Variants in PTPRN2 observed in about 807,000 individuals in gnomAD.
The protein encoded by PTPRN2 is receptor-type tyrosine-protein phosphatase N2.
In PTPRN2, 74 loss-of-function variants were observed where a neutral mutation model predicts 118.8. The observed-to-expected ratio is 0.62, with a 90% CI of 0.52 to 0.76. The LOEUF is 0.76. Among genes scored for constraint, PTPRN2 ranks in the 30% least tolerant of loss-of-function variants. PTPRN2 has a pLI of 0.00. For synonymous variants in PTPRN2, 641 were observed against 608.0 expected (o/e 1.05, Z -0.80); for missense variants, 1,481 against 1,394.4 (o/e 1.06, Z -0.99).
chr7:158,500,758 C>G (rs1366622706), intron 1 of PTPRN2, among the ~76,000 whole-genome samples: 1 of 152,266 alleles, frequency 6.6e-6, no homozygotes, highest in Non-Finnish European at 1.5e-5. Context: ...CTGTTAAACG[C>G]CATCCAGCCC....
intron 17 of PTPRN2, among the ~76,000 whole-genome samples, chr7:157,586,810 C>T (rs1800701871): frequency 6.6e-6 from 1 of 152,230 alleles, no homozygotes; most frequent in Admixed American, 6.5e-5. Flanking sequence ...CTCCCACATG[C>T]CGAGGGAACA....
At chr7:157,769,700 C>A (rs1008338314) in intron 12 of PTPRN2, among the ~76,000 whole-genome samples, 1 of 152,166 alleles carries the variant, frequency 6.6e-6, no homozygotes, top group Admixed American at 6.5e-5. Flanking sequence ...ATGTCACCAG[C>A]CCCTCCACAC....
At chr7:158,106,355 CTT>C (rs1815681783) in intron 10 of PTPRN2, among the ~76,000 whole-genome samples, 1 of 152,034 alleles carries the variant, frequency 6.6e-6, no homozygotes, top group Admixed American at 6.6e-5. Flanking sequence ...CTCCCTCTCT[CTT>C]GAGTTCCATC....
At chr7:157,952,592 G>C in intron 11 of PTPRN2, among the ~76,000 whole-genome samples, 1 of 152,046 alleles carries the variant, frequency 6.6e-6, no homozygotes, top group East Asian at 1.9e-4. Flanking sequence ...GGGTCTAGGG[G>C]TGAGGGAGCC....
chr7:157,828,545 C>T (rs113008148), intron 12 of PTPRN2, among the ~76,000 whole-genome samples: 3 of 149,436 alleles, frequency 2.0e-5, no homozygotes, highest in Non-Finnish European at 4.4e-5. Flanking sequence ...CCCTGAGAGA[C>T]GTCCTGGTTA....
chr7:157,753,202 G>A (rs971093409), intron 12 of PTPRN2, among the ~76,000 whole-genome samples: 2 of 152,192 alleles, frequency 1.3e-5, no homozygotes, highest in Admixed American at 1.3e-4. Flanking sequence ...CCCGCGCAGT[G>A]GGCTTCTGTC....
intron 1 of PTPRN2, among the ~76,000 whole-genome samples, chr7:158,535,316 C>A (rs943728876): frequency 2.0e-5 from 3 of 152,196 alleles, no homozygotes; most frequent in Admixed American, 1.3e-4. Context: ...CTCACTCCCT[C>A]CCCATTCAGC....
chr7:158,406,159 G>A (rs569007728), intron 2 of PTPRN2, among the ~76,000 whole-genome samples: 6 of 116,808 alleles, frequency 5.1e-5, no homozygotes, highest in East Asian at 2.3e-4. Flanking sequence ...CTGAGATCCC[G>A]CAGTGGCTCA....
intron 3 of PTPRN2, among the ~76,000 whole-genome samples, chr7:158,275,695 T>C (rs556975716): frequency 6.6e-6 from 1 of 152,342 alleles, no homozygotes; most frequent in East Asian, 1.9e-4. Context: ...TACTACGTTA[T>C]GTGGGGTGGG....
At chr7:157,662,731 G>A (rs1209836983) in intron 13 of PTPRN2, among the ~76,000 whole-genome samples, 1 of 152,220 alleles carries the variant, frequency 6.6e-6, no homozygotes, top group Non-Finnish European at 1.5e-5. Context: ...CAGCCTCCTG[G>A]GTGGGCAGTG....
chr7:158,451,954 TG>T lies in PTPRN2; in HGVS notation c.163+37780del, dbSNP rs569179862. On this transcript the variant is annotated intron_variant, in intron 2 of 22. Transcript: ENST00000389418. ...GGATTTTATTTTGGGGTAAGGAGTT[TG>T]GGAGGGACCCAGCTATGTATTTTCC... Among the ~76,000 whole-genome samples the T allele has an allele frequency of 6.2e-3, 949 of 152,330 alleles. 11 individuals are homozygous for T. Among genetic ancestry groups the T allele is most frequent in the African/African-American group, 0.021 (886 of 41,564 alleles).
At chr7:158,393,703 T>C (rs569182728) in intron 2 of PTPRN2, among the ~76,000 whole-genome samples, 2 of 152,178 alleles carry the variant, frequency 1.3e-5, no homozygotes, top group Non-Finnish European at 1.5e-5. Flanking sequence ...ATGGCTCTAA[T>C]GCTTTTCATT....
intron 12 of PTPRN2, among the ~76,000 whole-genome samples, chr7:157,758,275 C>A (rs1217824073): frequency 6.6e-6 from 1 of 152,228 alleles, no homozygotes; most frequent in Non-Finnish European, 1.5e-5. Flanking sequence ...ACAGTCCAGG[C>A]CTGTCCAGGC....
chr7:157,992,824 G>A (rs527778255), intron 11 of PTPRN2, among the ~76,000 whole-genome samples: 4 of 152,358 alleles, frequency 2.6e-5, no homozygotes, highest in East Asian at 1.9e-4. Flanking sequence ...AGAAGTATGC[G>A]ATGGGAAGAC....
At chr7:157,582,793 G>C (rs1160889583) in intron 17 of PTPRN2, among the ~76,000 whole-genome samples, 1 of 151,738 alleles carries the variant, frequency 6.6e-6, no homozygotes, top group Non-Finnish European at 1.5e-5. Flanking sequence ...AGAACCTCTT[G>C]AACCTAGGAG....
intron 3 of PTPRN2, among the ~76,000 whole-genome samples, chr7:158,242,372 T>G (rs779292060): frequency 6.6e-5 from 10 of 152,224 alleles, no homozygotes; most frequent in Non-Finnish European, 1.5e-4. Context: ...AGTGGAGAGA[T>G]TCAAAAGATG....
At chr7:157,875,800 C>T in intron 12 of PTPRN2, among the ~76,000 whole-genome samples, 1 of 150,472 alleles carries the variant, frequency 6.6e-6, no homozygotes, top group East Asian at 2.0e-4. Flanking sequence ...AGGGTGGGCA[C>T]CGGGCTGCAG....
intron 2 of PTPRN2, among the ~76,000 whole-genome samples, chr7:158,456,154 C>T (rs577574787): frequency 6.6e-5 from 10 of 151,196 alleles, no homozygotes; most frequent in South Asian, 4.3e-4. Context: ...ACGGCATGGA[C>T]GCCATCAGCC....
chr7:157,688,321 T>C (rs1157511642), intron 12 of PTPRN2, among the ~76,000 whole-genome samples: 1 of 152,218 alleles, frequency 6.6e-6, no homozygotes, highest in African/African-American at 2.4e-5. Context: ...TTTTAAGACA[T>C]CAGGGAAGAT....
Sources: allele counts gnomAD v4.1 joint callset (sites outside exome capture counted in the v4.1 genomes callset), GRCh38; gene constraint gnomAD v4.1.1; transcripts MANE v1.5; gene names NCBI Gene and HGNC (gene_info 2026-07-23, HGNC 2026-07-21).